The following P2RX6 variants were observed in gnomAD, a reference collection of about 807,000 sequenced individuals.
The protein encoded by P2RX6 is purinergic receptor P2X 6, also known as P2X purinoceptor 6.
Under a neutral mutation model 54.2 loss-of-function variants are expected in P2RX6, and 62 were observed. The ratio of observed to expected loss-of-function variants is 1.14; its 90% CI spans 0.93 to 1.41. P2RX6 has a LOEUF of 1.41. P2RX6 is among the 40% of genes most tolerant of loss of function. The probability of loss-of-function intolerance (pLI) is 0.00; values close to 1 mark genes in which losing one functional copy is unlikely to be tolerated. For synonymous variants in P2RX6, 211 were observed against 231.9 expected, an observed-to-expected ratio of 0.91 and a Z score of 0.82; for missense variants, 541 against 566.3, an observed-to-expected ratio of 0.96 and a Z score of 0.45.
intron 3 of P2RX6, among the ~76,000 whole-genome samples, chr22:21,020,687 G>C (rs1304262432): frequency 6.6e-6 from 1 of 150,798 alleles, no homozygotes; most frequent in African/African-American, 2.4e-5. Flanking sequence ...CACCTCCTTG[G>C]TTCAAGCGAT....
upstream of P2RX6, among the ~76,000 whole-genome samples, chr22:21,012,814 C>T (rs137997869): frequency 3.2e-4 from 49 of 152,228 alleles, no homozygotes; most frequent in African/African-American, 1.1e-3. Context: ...TCCCCCACCC[C>T]CACCTCTCCC....
chr22:21,027,530 G>T lies in P2RX6; in HGVS notation c.*913G>T, dbSNP rs995410639. The stretch of plus-strand genomic sequence containing the variant: ...TAGGAAGCTGTCTGGGCAGCTGCTC[G>T]AGGGAGGCCCTGGCTCTGATCCCAG... On this transcript the variant is annotated 3_prime_UTR_variant, in exon 12 of 12. Transcript: ENST00000413302. 1 of 152,338 alleles carries T rather than the reference G, an allele frequency of 6.6e-6. No individual in the cohort carries two copies. The highest frequency in any genetic ancestry group is 1.9e-4 in the East Asian group (1 of 5,200). The allele number at this position is 152,338 out of a possible 1,614,324, so 9.4% of individuals were successfully genotyped here.
At chr22:21,014,712 C>T, upstream of P2RX6, among the ~76,000 whole-genome samples, 1 of 152,194 alleles carries the variant, frequency 6.6e-6, no homozygotes, top group East Asian at 1.9e-4. Flanking sequence ...ATGCTCTGGT[C>T]TTTGCATACG....
rs927330543 is a variant in P2RX6, at chr22:21,026,057, G to A, written c.1031G>A (p.Gly344Glu). ...LIPTAVTLGTGAAWLGVVTFF... is the reference protein window; with the variant it reads ...LIPTAVTLGTEAAWLGVVTFF... ...CCCACGGCCGTCACACTGGGCACCG[G>A]GGCAGCTTGGCTGGGCGTGGTGAGT... Residue 344 changes from glycine to glutamate, a missense_variant, in exon 10 of 12, where the codon GGG becomes GAG. Physicochemically the swap from Gly to Glu is moderately conservative, Grantham distance 98 (BLOSUM62 -2). This residue lies in a region of P2RX6 where 526 missense variants were observed against 531.5 expected (regional missense o/e 0.99). Coordinates refer to ENST00000413302, the MANE Select transcript of P2RX6 (RefSeq NM_005446.5). This position sits in a 1 kb window ranked among gnomAD's most constrained non-coding sequence, Gnocchi z 4.0. 3 of 1,611,466 alleles carry A rather than the reference G, an allele frequency of 1.9e-6. No homozygotes were observed. The highest frequency in any genetic ancestry group is 2.7e-5 in the African/African-American group (2 of 74,878).
Position 21,023,557 on chromosome 22 carries a change from G to A in P2RX6, c.829G>A (p.Gly277Arg), listed in dbSNP as rs137903772. 40 of 1,613,142 alleles carry A rather than the reference G, an allele frequency of 2.5e-5. No individual in the cohort carries two copies. Among genetic ancestry groups the A allele is most frequent in the Middle Eastern group, 1.6e-4 (1 of 6,078 alleles). Residue 277 changes from glycine (G) to arginine (R), a missense_variant, in exon 8 of 12, where the codon GGG becomes AGG. By Grantham distance (125) the Gly-to-Arg change is moderately radical (BLOSUM62 -2). Transcript: ENST00000413302. ...RVHWDCDLDT[G>R]DSGCWPHYSF... ...TCACTGGGATTGTGACCTGGACACC[G>A]GGGACTCTGGCTGCTGGCCTCACTA...
upstream of P2RX6, chr22:21,012,758 C>T: frequency 3.3e-6 from 1 of 300,516 alleles, no homozygotes; most frequent in Non-Finnish European, 6.3e-6. Context: ...CCCCTTTCCA[C>T]CTGCTTAAGG....
intron 3 of P2RX6, among the ~76,000 whole-genome samples, 164 bp from the exon 4 acceptor site, chr22:21,022,512 T>A (rs1284957796): frequency 6.6e-6 from 1 of 152,184 alleles, no homozygotes; most frequent in Non-Finnish European, 1.5e-5. Context: ...CCAGCTTTCC[T>A]GTGTGGCCCC....
chr22:21,011,619 T>C, upstream of P2RX6: 2 of 711,506 alleles, frequency 2.8e-6, no homozygotes, highest in Non-Finnish European at 5.2e-6. Flanking sequence ...CCTCAGCCAG[T>C]GGGATGCAAA....
At chr22:21,016,491 G>A (rs1368021036) in intron 2 of P2RX6, among the ~76,000 whole-genome samples, 7 of 151,714 alleles carry the variant, frequency 4.6e-5, no homozygotes, top group South Asian at 2.1e-4. Flanking sequence ...CGGGAGGCTG[G>A]GGCAGGAGAA....
chr22:21,024,881 T>G (rs1424193364), intron 8 of P2RX6, among the ~76,000 whole-genome samples: 11 of 147,396 alleles, frequency 7.5e-5, no homozygotes, highest in African/African-American at 2.3e-4. Flanking sequence ...TTTTTGTGTT[T>G]TTTTTTTTTT....
At chr22:21,014,295 T>TATC (rs964371952), upstream of P2RX6, 9 of 152,656 alleles carry the variant, frequency 5.9e-5, no homozygotes, top group African/African-American at 2.2e-4. Context: ...CCCGGGGATG[T>TATC]GGGCGGAGTC....
chr22:21,015,010 T>G, upstream of P2RX6: 2 of 508,692 alleles, frequency 3.9e-6, no homozygotes, highest in Non-Finnish European at 6.8e-6. Context: ...GTAGGGAGGG[T>G]GGGAGGTGCA....
At chr22:21,012,340 G>A (rs574223442), upstream of P2RX6, among the ~76,000 whole-genome samples, 2 of 152,294 alleles carry the variant, frequency 1.3e-5, no homozygotes, top group African/African-American at 2.4e-5. Context: ...CTTGTATCCA[G>A]CATCAGCTGC....
At chr22:21,017,799 G>A in intron 2 of P2RX6, 190 bp from the exon 3 acceptor site, 1 of 674,002 alleles carries the variant, frequency 1.5e-6, no homozygotes, top group Non-Finnish European at 2.7e-6. Flanking sequence ...ATGGGCACAA[G>A]GCTTCCTGGT....
upstream of P2RX6, among the ~76,000 whole-genome samples, chr22:21,010,518 G>A (rs555898407): frequency 2.6e-5 from 4 of 152,220 alleles, no homozygotes; most frequent in South Asian, 8.3e-4. Context: ...AAATGCTGCA[G>A]AAAAGAGCTC....
chr22:21,022,742 C>T lies in P2RX6; in HGVS notation c.454C>T (p.His152Tyr), dbSNP rs139449735. 5.7e-5 allele frequency: 90 copies of T among 1,573,666 alleles called. No homozygotes were observed. The African/African-American group carries it at 1.1e-3, about 19-fold the overall frequency. Residue 152 changes from histidine (H) to tyrosine (Y), a missense_variant, in exon 4 of 12, where the codon CAC becomes TAC. Physicochemically the swap from His to Tyr is moderately conservative, Grantham distance 83. Coordinates refer to ENST00000413302, the MANE Select transcript of P2RX6 (RefSeq NM_005446.5). The part of the protein sequence containing the change: ...EDCPEGEGGT[H>Y]SHGVKTGQCV... ...CTGCCCCGAAGGGGAGGGAGGCACA[C>T]ACAGCCACGGTAACTGTGGGCTCTG...
In P2RX6 at chr22:21,023,344, C is replaced by T. The variant is rs746984517; in HGVS notation, c.708C>T (p.Pro236=). The T allele has an allele frequency of 1.2e-6, 2 of 1,614,008 alleles. No individual in the cohort carries two copies. Among genetic ancestry groups the T allele is most frequent in the Non-Finnish European group, 1.7e-6 (2 of 1,179,884 alleles). ...GCCGCTATGAACCACAATTCAGCCC[C>T]TACTGTCCCGTGTTCCGCATTGGGG... is the stretch of plus-strand genomic sequence containing the variant. The part of the protein sequence containing the change: ...KHCRYEPQFS[P]YCPVFRIGDL... Residue 236 remains proline (P), a synonymous_variant, in exon 7 of 12, where the codon CCC becomes CCT. Coordinates refer to ENST00000413302, the MANE Select transcript of P2RX6 (RefSeq NM_005446.5).
rs375848861 is a variant in P2RX6 at position 21,023,360 on chromosome 22, C to T, written c.724C>T (p.Arg242Cys). 50 of 1,613,976 alleles carry T rather than the reference C, an allele frequency of 3.1e-5. No individual in the cohort carries two copies. The highest frequency in any genetic ancestry group is 1.6e-4 in the Middle Eastern group (1 of 6,062). ...ATTCAGCCCCTACTGTCCCGTGTTCCGCATTGGGGACCTCGTGGCCAAGGC... is the reference window on the plus strand; with the variant it reads ...ATTCAGCCCCTACTGTCCCGTGTTCTGCATTGGGGACCTCGTGGCCAAGGC... The part of the protein sequence containing the change: ...PQFSPYCPVF[R>C]IGDLVAKAGG... Residue 242 changes from arginine (R) to cysteine (C), a missense_variant, in exon 7 of 12, where the codon CGC becomes TGC. Arg to Cys is a radical substitution (Grantham distance 180). Around this residue, in one of 2 missense-constraint regions of P2RX6, gnomAD observed 526 missense variants for 531.5 expected, o/e 0.99. Coordinates refer to ENST00000413302, the MANE Select transcript of P2RX6 (RefSeq NM_005446.5).
intron 2 of P2RX6, among the ~76,000 whole-genome samples, chr22:21,016,784 CGTT>C (rs1926474307): frequency 3.9e-5 from 6 of 152,034 alleles, no homozygotes; most frequent in Non-Finnish European, 7.4e-5. Flanking sequence ...TTCTCGGCTG[CGTT>C]TTCCTCCTCC....
Sources: gnomAD v4.1 joint callset for allele counts (sites outside exome capture counted in the v4.1 genomes callset) on GRCh38, gnomAD v4.1.1 for gene constraint, gnomAD v4.1.1 regional missense constraint, Gnocchi (gnomAD v3.1) non-coding constraint, MANE v1.5 for transcripts, NCBI Gene and HGNC (gene_info 2026-07-23, HGNC 2026-07-21) for gene names.